Variants in ZNF609 observed in about 807,000 individuals in gnomAD.
ZNF609 encodes the protein zinc finger protein 609.
ZNF609 carries 11 observed loss-of-function variants against 109.5 expected under a neutral mutation model. The ratio of observed to expected loss-of-function variants is 0.10; its 90% CI spans 0.06 to 0.17. The LOEUF (loss-of-function observed/expected upper bound fraction) is 0.17. Among genes scored for constraint, ZNF609 ranks in the 10% least tolerant of loss-of-function variants. The pLI is 1.00. For missense variants in ZNF609, 1,559 were observed against 1,772.4 expected, an observed-to-expected ratio of 0.88 and a Z score of 2.16; for synonymous variants, 646 against 662.0, an observed-to-expected ratio of 0.98 and a Z score of 0.37.
chr15:64,608,392 A>G (rs1895647691), intron 2 of ZNF609, among the ~76,000 whole-genome samples: 1 of 152,136 alleles, frequency 6.6e-6, no homozygotes, highest in African/African-American at 2.4e-5. Context: ...GAACTCTAGC[A>G]CAATATTGCA....
At chr15:64,602,699 A>C (rs1595734743) in intron 2 of ZNF609, among the ~76,000 whole-genome samples, 1 of 138,322 alleles carries the variant, frequency 7.2e-6, no homozygotes, top group African/African-American at 2.8e-5. Context: ...TACTGCCCTG[A>C]CTTTTCTTTT....
At chr15:64,518,904 T>G (rs1893852730) in intron 2 of ZNF609, among the ~76,000 whole-genome samples, 1 of 151,960 alleles carries the variant, frequency 6.6e-6, no homozygotes, top group Non-Finnish European at 1.5e-5. Flanking sequence ...GGGACATGTT[T>G]TGAGGTGCTT....
chr15:64,670,879 C>CA (rs112565259), intron 4 of ZNF609, among the ~76,000 whole-genome samples: 1,277 of 50,670 alleles, frequency 0.025, 26 homozygotes, highest in African/African-American at 0.066. Flanking sequence ...AACTCCATCT[C>CA]AAAAAAAAAA....
chr15:64,524,825 A>G (rs1163215153), intron 2 of ZNF609, among the ~76,000 whole-genome samples: 1 of 152,100 alleles, frequency 6.6e-6, no homozygotes, highest in Non-Finnish European at 1.5e-5. Context: ...TTTTTATTAT[A>G]TACCTAGGGA....
chr15:64,485,908 A>G, intron 1 of ZNF609, among the ~76,000 whole-genome samples: 1 of 152,190 alleles, frequency 6.6e-6, no homozygotes, highest in East Asian at 1.9e-4. Context: ...GATATAAGCC[A>G]TCTATCTTGT....
At chr15:64,474,479 C>CT (rs1893139404) in intron 1 of ZNF609, among the ~76,000 whole-genome samples, 2 of 152,220 alleles carry the variant, frequency 1.3e-5, no homozygotes, top group Non-Finnish European at 2.9e-5. Flanking sequence ...TCCCAAAGTG[C>CT]TGGGATTACA....
At chr15:64,637,840 A>G (rs901654878) in intron 3 of ZNF609, among the ~76,000 whole-genome samples, 3 of 151,480 alleles carry the variant, frequency 2.0e-5, no homozygotes, top group Admixed American at 6.6e-5. Flanking sequence ...TTTTCTGTTA[A>G]TGGTGTCTTT....
chr15:64,554,481 C>A (rs1344341455), intron 2 of ZNF609, among the ~76,000 whole-genome samples: 1 of 151,288 alleles, frequency 6.6e-6, no homozygotes, highest in East Asian at 2.0e-4. Flanking sequence ...TCTCTACAAA[C>A]AAAACAAAAC....
intron 1 of ZNF609, among the ~76,000 whole-genome samples, chr15:64,485,852 C>G (rs1228137468): frequency 2.0e-5 from 3 of 152,138 alleles, no homozygotes; most frequent in Non-Finnish European, 4.4e-5. Flanking sequence ...CTAGTTTCCT[C>G]CAGTGGTAAC....
intron 2 of ZNF609, chr15:64,529,079 C>T (rs1894016095): frequency 9.6e-7 from 1 of 1,041,644 alleles, no homozygotes; most frequent in Non-Finnish European, 1.5e-6. Context: ...GCCCTGCAGC[C>T]ATCACGTGAC....
intron 3 of ZNF609, among the ~76,000 whole-genome samples, chr15:64,630,108 T>C (rs982687591): frequency 1.3e-5 from 2 of 150,174 alleles, no homozygotes; most frequent in South Asian, 4.2e-4. Context: ...CTTTTTTTTT[T>C]TTTTTTTGAG....
chr15:64,670,269 G>C, intron 3 of ZNF609, 77 bp from the exon 4 acceptor site: 2 of 1,188,726 alleles, frequency 1.7e-6, no homozygotes, highest in Non-Finnish European at 2.5e-6. Flanking sequence ...AGAAGTCAGA[G>C]TGCTGATCAA....
At position 64,499,658 on chromosome 15, in the gene ZNF609, G is replaced by A; in HGVS notation, c.239G>A (p.Gly80Asp). The A allele has an allele frequency of 6.2e-7, 1 of 1,614,146 alleles. No homozygotes were observed. The highest frequency in any genetic ancestry group is 8.5e-7 in the Non-Finnish European group (1 of 1,180,030). ...ATCAAGTTTGTGACCCCAGTGCCAG[G>A]TCCTCAAGGGAAGGAAGGCAAATCA... Reference protein sequence around the residue: ...DNIKFVTPVPGPQGKEGKSKS... With the variant: ...DNIKFVTPVPDPQGKEGKSKS... The change falls in exon 2 of 10, where the codon GGT (glycine) becomes GAT (aspartate). Residue 80 changes from glycine to aspartate, a missense_variant. Gly to Asp is a moderately conservative substitution (Grantham distance 94). Transcript: ENST00000326648.
intron 2 of ZNF609, among the ~76,000 whole-genome samples, chr15:64,589,503 C>G (rs1276085882): frequency 1.3e-5 from 2 of 152,128 alleles, no homozygotes; most frequent in Admixed American, 6.5e-5. Context: ...TTTTATTTTA[C>G]TAACAAGAAA....
At chr15:64,519,804 C>T (rs1051667131) in intron 2 of ZNF609, among the ~76,000 whole-genome samples, 2 of 151,976 alleles carry the variant, frequency 1.3e-5, no homozygotes, top group African/African-American at 4.8e-5. Context: ...GTAATCAGGC[C>T]TATGTTTGAA....
chr15:64,621,556 A>G (rs967090540), intron 2 of ZNF609, among the ~76,000 whole-genome samples: 22 of 152,064 alleles, frequency 1.4e-4, no homozygotes, highest in African/African-American at 4.8e-4. Context: ...GGGTCTTGCT[A>G]TGTTACCCAG....
At chr15:64,586,839 C>T (rs975475450) in intron 2 of ZNF609, among the ~76,000 whole-genome samples, 8 of 152,206 alleles carry the variant, frequency 5.3e-5, no homozygotes, top group African/African-American at 1.7e-4. Flanking sequence ...TTAGACCCAT[C>T]ATATATGCTT....
At chr15:64,625,914 A>AATATAT (rs1330194907) in intron 3 of ZNF609, among the ~76,000 whole-genome samples, 27 of 103,076 alleles carry the variant, frequency 2.6e-4, no homozygotes, top group African/African-American at 1.1e-3. Flanking sequence ...AAAAAAAAAA[A>AATATAT]ATATATATAT....
intron 1 of ZNF609, among the ~76,000 whole-genome samples, chr15:64,478,150 A>G (rs1893198089): frequency 1.6e-5 from 2 of 124,208 alleles, no homozygotes; most frequent in Admixed American, 8.5e-5. Context: ...TAATTTTAGA[A>G]TAAAGGTGTG....
Sources: gnomAD v4.1 joint callset for allele counts (sites outside exome capture counted in the v4.1 genomes callset) on GRCh38, gnomAD v4.1.1 for gene constraint, MANE v1.5 for transcripts, NCBI Gene and HGNC (gene_info 2026-07-23, HGNC 2026-07-21) for gene names.